SRPK2: variants seen among roughly 807,000 people sequenced by gnomAD.
SRPK2 encodes SRSF protein kinase 2, also known as SFRS protein kinase 2.
SRPK2 carries 21 observed loss-of-function variants against 90.8 expected under a neutral mutation model. The observed-to-expected ratio is 0.23, with a 90% CI of 0.16 to 0.33. The LOEUF (loss-of-function observed/expected upper bound fraction) is 0.33. SRPK2 is among the 10% of genes least tolerant of loss of function. The probability of loss-of-function intolerance (pLI) is 1.00; values close to 1 mark genes in which losing one functional copy is unlikely to be tolerated. For missense variants in SRPK2, 620 were observed against 869.0 expected (o/e 0.71, Z 3.60); for synonymous variants, 288 against 311.1 (o/e 0.93, Z 0.78).
Position 105,169,203 on chromosome 7 carries a change from G to A in SRPK2, c.292C>T (p.Leu98Phe). ...ACAGTAGAGAAGTGCCCCCATCCAAGCTTTCTAATAACATGATACCGGCCA... is the reference window on the plus strand; with the variant it reads ...ACAGTAGAGAAGTGCCCCCATCCAAACTTTCTAATAACATGATACCGGCCA... ...FNGRYHVIRK[L>F]GWGHFSTVWL... Residue 98 changes from leucine to phenylalanine, a missense_variant, in exon 4 of 16, where the codon CTT becomes TTT. Leu to Phe is a conservative substitution (Grantham distance 22). Transcript: ENST00000393651. 6.2e-7 allele frequency: 1 copy of A among 1,613,592 alleles called. No individual in the cohort carries two copies. Among genetic ancestry groups the A allele is most frequent in the Non-Finnish European group, 8.5e-7 (1 of 1,179,890 alleles).
chr7:105,349,771 G>T (rs370267726), intron 2 of SRPK2, among the ~76,000 whole-genome samples: 1 of 151,688 alleles, frequency 6.6e-6, no homozygotes, highest in Non-Finnish European at 1.5e-5. Context: ...CTGGAGTCTC[G>T]CTCTGTCGCC....
Position 105,268,965 on chromosome 7 carries a change from GAA to G in SRPK2, c.72-65182_72-65181del, listed in dbSNP as rs899142973. ...TTTCTTCTCTAATCCCTTTTGTTCA[GAA>G]TGAGGCCACAAGATTCGCAGTACTT... On this transcript the variant is annotated intron_variant, in intron 2 of 15. Coordinates refer to ENST00000393651, the MANE Select transcript of SRPK2 (RefSeq NM_182692.3). The G allele has an allele frequency of 2.0e-4, 283 of 1,432,584 alleles. No homozygotes were observed. In the African/African-American group the frequency reaches 3.6e-3, roughly 18 times the overall value. The allele number at this position is 1,432,584 out of a possible 1,614,324, so 88.7% of individuals were successfully genotyped here. A position where few individuals can be genotyped will look rare whatever the true frequency, so the allele number is the denominator to read the frequency against.
At chr7:105,236,722 C>T (rs1800188983) in intron 2 of SRPK2, among the ~76,000 whole-genome samples, 1 of 152,116 alleles carries the variant, frequency 6.6e-6, no homozygotes, top group Admixed American at 6.5e-5. Flanking sequence ...AAGACAAGAG[C>T]ATACCAGTGT....
intron 2 of SRPK2, among the ~76,000 whole-genome samples, chr7:105,341,649 G>A (rs1563260802): frequency 6.6e-6 from 1 of 152,064 alleles, no homozygotes; most frequent in Admixed American, 6.6e-5. Flanking sequence ...TCCAGTCTAG[G>A]CAACAAAGCA....
downstream of SRPK2, among the ~76,000 whole-genome samples, chr7:105,115,067 C>CTGA: frequency 6.6e-6 from 1 of 152,026 alleles, no homozygotes; most frequent in Non-Finnish European, 1.5e-5. Context: ...TTGAAATGTG[C>CTGA]CTACTACAGA....
At chr7:105,347,792 G>C (rs1400787544) in intron 2 of SRPK2, among the ~76,000 whole-genome samples, 2 of 151,722 alleles carry the variant, frequency 1.3e-5, no homozygotes, top group South Asian at 2.1e-4. Context: ...AGGAGGCAGA[G>C]GTTGCAGTGA....
intron 2 of SRPK2, among the ~76,000 whole-genome samples, chr7:105,316,261 G>A (rs1222904142): frequency 6.6e-6 from 1 of 152,072 alleles, no homozygotes; most frequent in Non-Finnish European, 1.5e-5. Flanking sequence ...ACCGTGCCTG[G>A]CCATCTTGAG....
At chr7:105,357,763 T>C (rs537012421) in intron 2 of SRPK2, among the ~76,000 whole-genome samples, 1 of 136,528 alleles carries the variant, frequency 7.3e-6, no homozygotes, top group South Asian at 2.3e-4. Flanking sequence ...AAAAAAACAA[T>C]AACAAAACAA....
At chr7:105,178,582 C>T (rs1792308333) in intron 3 of SRPK2, among the ~76,000 whole-genome samples, 1 of 151,940 alleles carries the variant, frequency 6.6e-6, no homozygotes, top group African/African-American at 2.4e-5. Flanking sequence ...GATAATCACA[C>T]ATGAGGCAGG....
At chr7:105,293,979 T>C (rs1314355598) in intron 2 of SRPK2, among the ~76,000 whole-genome samples, 4 of 152,202 alleles carry the variant, frequency 2.6e-5, no homozygotes, top group Non-Finnish European at 5.9e-5. Context: ...TGCTGGACTA[T>C]CTGTGAACTG....
intron 6 of SRPK2, among the ~76,000 whole-genome samples, chr7:105,161,014 T>C (rs909191019): frequency 6.6e-6 from 1 of 152,032 alleles, no homozygotes; most frequent in Non-Finnish European, 1.5e-5. Context: ...CAAGCTCTGC[T>C]TTCTGGGTTC....
intron 2 of SRPK2, among the ~76,000 whole-genome samples, chr7:105,387,543 A>T (rs1821756237): frequency 6.8e-6 from 1 of 147,572 alleles, no homozygotes. Context: ...TTTTTAAGTC[A>T]CTATCCACAT....
chr7:105,316,322 C>T (rs1812306543), intron 2 of SRPK2, among the ~76,000 whole-genome samples: 1 of 152,146 alleles, frequency 6.6e-6, no homozygotes, highest in Non-Finnish European at 1.5e-5. Flanking sequence ...TCTCAAATTA[C>T]TGTGCATTAA....
chr7:105,239,655 C>T (rs1394132182), intron 2 of SRPK2, among the ~76,000 whole-genome samples: 2 of 152,142 alleles, frequency 1.3e-5, no homozygotes, highest in Non-Finnish European at 2.9e-5. Flanking sequence ...CCATAATTAA[C>T]AAAATCTGGT....
chr7:105,191,283 A>C (rs1280125851), intron 3 of SRPK2, among the ~76,000 whole-genome samples: 1 of 152,186 alleles, frequency 6.6e-6, no homozygotes, highest in African/African-American at 2.4e-5. Flanking sequence ...ACATTTTTAA[A>C]ATCCGCCAGG....
chr7:105,233,219 G>T (rs1401391094), intron 2 of SRPK2, among the ~76,000 whole-genome samples: 1 of 152,028 alleles, frequency 6.6e-6, no homozygotes, highest in Non-Finnish European at 1.5e-5. Flanking sequence ...AAACTGAGTG[G>T]CTGTCTATAG....
intron 15 of SRPK2, among the ~76,000 whole-genome samples, chr7:105,124,530 T>G (rs6466043): frequency 2.0e-5 from 3 of 151,392 alleles, no homozygotes. Context: ...AATCCCGGCT[T>G]CTTGTGAAGT....
intron 3 of SRPK2, among the ~76,000 whole-genome samples, chr7:105,193,694 C>A (rs917824342): frequency 6.6e-6 from 1 of 152,032 alleles, no homozygotes; most frequent in Non-Finnish European, 1.5e-5. Flanking sequence ...TTGTTTGTGT[C>A]GTCTATGATT....
At chr7:105,281,297 T>C (rs1807301487) in intron 2 of SRPK2, among the ~76,000 whole-genome samples, 1 of 152,010 alleles carries the variant, frequency 6.6e-6, no homozygotes, top group Non-Finnish European at 1.5e-5. Flanking sequence ...GGTTTCACCA[T>C]GTTAGCTGGG....
Sources: allele counts gnomAD v4.1 joint callset (sites outside exome capture counted in the v4.1 genomes callset), GRCh38; gene constraint gnomAD v4.1.1; transcripts MANE v1.5; gene names NCBI Gene and HGNC (gene_info 2026-07-23, HGNC 2026-07-21).